PIP4K2A: variants seen among roughly 807,000 people sequenced by gnomAD.
PIP4K2A encodes the protein phosphatidylinositol-5-phosphate 4-kinase type 2 alpha, also known as phosphatidylinositol 5-phosphate 4-kinase type-2 alpha.
In PIP4K2A, 14 loss-of-function variants were observed where a neutral mutation model predicts 42.9. That is an observed-to-expected ratio of 0.33 (90% CI 0.22 to 0.51). PIP4K2A has a LOEUF of 0.51. PIP4K2A is among the 20% of genes least tolerant of loss of function. PIP4K2A has a pLI of 0.97. For missense variants in PIP4K2A, 434 were observed against 519.8 expected (o/e 0.83, Z 1.61); for synonymous variants, 192 against 192.2 (o/e 1.00, Z 0.01).
Position 22,537,854 on chromosome 10 carries a change from G to A in PIP4K2A, c.1141-573C>T, listed in dbSNP as rs575611909. 7.4e-4 allele frequency among the ~76,000 whole-genome samples: 113 copies of A among 152,296 alleles called. 1 individual carries two copies. The South Asian group carries it at 0.023, about 30-fold the overall frequency. On this transcript the variant is annotated intron_variant, in intron 9 of 9. Coordinates refer to ENST00000376573, the MANE Select transcript of PIP4K2A (RefSeq NM_005028.5). Reference sequence around the variant, plus strand: ...CAGCCCATTCCCTGCACCGTAACCAGGTGAGGCACAACACTGCTGGCTCCA... The same window carrying A: ...CAGCCCATTCCCTGCACCGTAACCAAGTGAGGCACAACACTGCTGGCTCCA...
At chr10:22,623,568 G>A (rs1838376888) in intron 1 of PIP4K2A, among the ~76,000 whole-genome samples, 1 of 147,372 alleles carries the variant, frequency 6.8e-6, no homozygotes, top group Non-Finnish European at 1.5e-5. Context: ...ATATTGGAAG[G>A]GAGGTACCCC....
intron 1 of PIP4K2A, among the ~76,000 whole-genome samples, chr10:22,656,999 C>T (rs577507551): frequency 6.6e-6 from 1 of 152,138 alleles, no homozygotes; most frequent in African/African-American, 2.4e-5. Flanking sequence ...TCTAAACTCC[C>T]TGAGCTTGAG....
At chr10:22,666,644 A>C (rs1012746623) in intron 1 of PIP4K2A, among the ~76,000 whole-genome samples, 2 of 152,196 alleles carry the variant, frequency 1.3e-5, no homozygotes, top group African/African-American at 2.4e-5. Flanking sequence ...TTCAGCCTGC[A>C]CAAACCCCAA....
At chr10:22,616,973 A>G (rs1838189387) in intron 1 of PIP4K2A, among the ~76,000 whole-genome samples, 1 of 152,280 alleles carries the variant, frequency 6.6e-6, no homozygotes, top group African/African-American at 2.4e-5. Flanking sequence ...TATTTATTAA[A>G]GCCAATTGTC....
At chr10:22,652,999 T>C (rs1390804269) in intron 1 of PIP4K2A, among the ~76,000 whole-genome samples, 3 of 151,930 alleles carry the variant, frequency 2.0e-5, no homozygotes, top group African/African-American at 7.3e-5. Flanking sequence ...GAGGCTGATG[T>C]GGGAGGATGG....
intron 1 of PIP4K2A, among the ~76,000 whole-genome samples, chr10:22,710,150 C>A (rs1257990181): frequency 6.6e-6 from 1 of 151,794 alleles, no homozygotes; most frequent in Non-Finnish European, 1.5e-5. Flanking sequence ...ATAATCAAAG[C>A]TACTGACGCT....
chr10:22,629,247 G>A (rs1472056425), intron 1 of PIP4K2A, among the ~76,000 whole-genome samples: 2 of 152,104 alleles, frequency 1.3e-5, no homozygotes, highest in Admixed American at 1.3e-4. Context: ...TGACAGGATG[G>A]CTATTAAAAG....
intron 8 of PIP4K2A, among the ~76,000 whole-genome samples, chr10:22,541,565 G>A (rs1302496154): frequency 1.3e-5 from 2 of 152,088 alleles, no homozygotes; most frequent in Admixed American, 6.5e-5. Context: ...AGTATAGTTC[G>A]TGGTTTTGCT....
chr10:22,692,206 GGAGT>G (rs1839885603), intron 1 of PIP4K2A, among the ~76,000 whole-genome samples: 1 of 151,924 alleles, frequency 6.6e-6, no homozygotes, highest in Admixed American at 6.6e-5. Context: ...ATTTTCATAA[GGAGT>G]GAGTAACCTA....
At chr10:22,700,362 A>G (rs1303430107) in intron 1 of PIP4K2A, among the ~76,000 whole-genome samples, 4 of 152,214 alleles carry the variant, frequency 2.6e-5, no homozygotes, top group African/African-American at 9.7e-5. Flanking sequence ...TCTAAAGCAG[A>G]TTCAAATCTA....
chr10:22,635,834 C>A (rs774534987), intron 1 of PIP4K2A, among the ~76,000 whole-genome samples: 2 of 152,164 alleles, frequency 1.3e-5, no homozygotes, highest in Non-Finnish European at 2.9e-5. Flanking sequence ...AGAGGTTTCA[C>A]GCCCTTGAGA....
chr10:22,581,614 A>C (rs958445604), intron 4 of PIP4K2A, among the ~76,000 whole-genome samples: 1 of 149,768 alleles, frequency 6.7e-6, no homozygotes, highest in Non-Finnish European at 1.5e-5. Context: ...CCTTTTATTA[A>C]GTACCGTTCA....
chr10:22,602,457 A>G (rs1033475242), intron 3 of PIP4K2A, among the ~76,000 whole-genome samples: 1 of 152,040 alleles, frequency 6.6e-6, no homozygotes, highest in Non-Finnish European at 1.5e-5. Flanking sequence ...AAGAAAAGAA[A>G]ATACAGATGT....
At chr10:22,586,406 C>T (rs1253378387) in intron 4 of PIP4K2A, among the ~76,000 whole-genome samples, 3 of 152,074 alleles carry the variant, frequency 2.0e-5, no homozygotes, top group Admixed American at 2.0e-4. Context: ...GAAACCAGGC[C>T]CCCTAGTGGA....
At chr10:22,566,462 C>T (rs76946120) in intron 6 of PIP4K2A, among the ~76,000 whole-genome samples, 3,442 of 152,214 alleles carry the variant, frequency 0.023, 72 homozygotes, top group Non-Finnish European at 0.034. Flanking sequence ...ATCCTTAACC[C>T]CCTTCCCTCT....
rs1456185418 is a variant in PIP4K2A at position 22,664,157 on chromosome 10, A to G, written c.144+50026T>C. On this transcript the variant is annotated intron_variant, in intron 1 of 9. Transcript: ENST00000376573. ...TATATATATACATATATATACACAT[A>G]TATATATATACATATATATATATAC... Among the ~76,000 whole-genome samples the G allele has an allele frequency of 5.9e-4, 37 of 62,340 alleles. 1 individual carries two copies. Among genetic ancestry groups the G allele is most frequent in the African/African-American group, 4.9e-3 (34 of 6,954 alleles). The allele number at this position is 62,340 out of a possible 152,430, so 40.9% of individuals were successfully genotyped here.
At chr10:22,618,746 T>C (rs1049538105) in intron 1 of PIP4K2A, among the ~76,000 whole-genome samples, 8 of 152,194 alleles carry the variant, frequency 5.3e-5, no homozygotes, top group Admixed American at 3.3e-4. Context: ...GTTAGAATCA[T>C]GTGCAGGAAC....
At chr10:22,550,150 C>T (rs909275054) in intron 7 of PIP4K2A, among the ~76,000 whole-genome samples, 3 of 150,766 alleles carry the variant, frequency 2.0e-5, no homozygotes, top group Non-Finnish European at 4.4e-5. Context: ...GGGGGCCTCA[C>T]TGGGCCTCAT....
rs1012555145 is a variant in PIP4K2A at position 22,548,718 on chromosome 10, A to C, written c.792+1941T>G. 5.9e-5 allele frequency among the ~76,000 whole-genome samples: 9 copies of C among 152,184 alleles called. No individual in the cohort carries two copies. The South Asian group carries it at 1.9e-3, about 31-fold the overall frequency. On this transcript the variant is annotated intron_variant, in intron 7 of 9. Coordinates refer to ENST00000376573, the MANE Select transcript of PIP4K2A (RefSeq NM_005028.5). ...ACTGGAGGAAAATGTTAGAAGAGAA[A>C]AGCAAACACTTGTATCGTTTTGTTT...
Sources: gnomAD v4.1 joint callset for allele counts (sites outside exome capture counted in the v4.1 genomes callset) on GRCh38, gnomAD v4.1.1 for gene constraint, MANE v1.5 for transcripts, NCBI Gene and HGNC (gene_info 2026-07-23, HGNC 2026-07-21) for gene names.